Variants in SGCZ observed in about 807,000 individuals in gnomAD.
SGCZ encodes zeta-sarcoglycan.
Under a neutral mutation model 41.3 loss-of-function variants are expected in SGCZ, and 40 were observed. The observed-to-expected ratio is 0.97, with a 90% CI of 0.75 to 1.26. SGCZ has a LOEUF of 1.26. Ranked by LOEUF, SGCZ falls within the 50% of genes most tolerant of loss-of-function variation. The probability of loss-of-function intolerance (pLI) is 0.00; values close to 1 mark genes in which losing one functional copy is unlikely to be tolerated. For missense variants in SGCZ, 552 were observed against 369.8 expected (o/e 1.49, Z -4.04); for synonymous variants, 206 against 137.5 (o/e 1.50, Z -3.49).
intron 1 of SGCZ, among the ~76,000 whole-genome samples, chr8:14,627,109 C>T (rs751411020): frequency 2.6e-5 from 4 of 152,110 alleles, no homozygotes; most frequent in Non-Finnish European, 4.4e-5. Flanking sequence ...AACTGATTTA[C>T]ATTATGATAC....
intron 1 of SGCZ, among the ~76,000 whole-genome samples, chr8:14,833,222 T>C (rs1585302711): frequency 6.6e-6 from 1 of 152,136 alleles, no homozygotes; most frequent in East Asian, 1.9e-4. Flanking sequence ...TTAATGATCG[T>C]TAAACACAAA....
chr8:14,250,280 C>G (rs1325096198), intron 3 of SGCZ, among the ~76,000 whole-genome samples: 2 of 152,104 alleles, frequency 1.3e-5, no homozygotes, highest in Admixed American at 1.3e-4. Context: ...AATTTTTGAA[C>G]TATTTCCCAG....
chr8:14,204,562 A>C (rs959549643), intron 4 of SGCZ, among the ~76,000 whole-genome samples: 2 of 152,092 alleles, frequency 1.3e-5, no homozygotes, highest in Non-Finnish European at 2.9e-5. Context: ...GAGCTGGTAA[A>C]GCATTATTTC....
intron 3 of SGCZ, among the ~76,000 whole-genome samples, chr8:14,304,452 G>A (rs1319327156): frequency 1.3e-5 from 2 of 152,040 alleles, no homozygotes; most frequent in Admixed American, 1.3e-4. Flanking sequence ...AAATTAGCCA[G>A]GCATGGTGGC....
chr8:14,390,190 T>G (rs1804718781), intron 2 of SGCZ, among the ~76,000 whole-genome samples: 1 of 152,058 alleles, frequency 6.6e-6, no homozygotes. Context: ...ATAAAATTGA[T>G]GCTGATTTTT....
chr8:14,206,840 TG>T, intron 4 of SGCZ, among the ~76,000 whole-genome samples: 1 of 152,130 alleles, frequency 6.6e-6, no homozygotes, highest in East Asian at 1.9e-4. Context: ...GCATTCAGTA[TG>T]CCCCTTCCCT....
chr8:14,850,413 A>G (rs985326002), intron 1 of SGCZ, among the ~76,000 whole-genome samples: 1 of 152,174 alleles, frequency 6.6e-6, no homozygotes, highest in African/African-American at 2.4e-5. Flanking sequence ...AAGACAGAAG[A>G]TGGAGAAAAC....
intron 1 of SGCZ, among the ~76,000 whole-genome samples, chr8:15,013,594 G>A (rs1259656094): frequency 6.6e-6 from 1 of 152,052 alleles, no homozygotes; most frequent in Non-Finnish European, 1.5e-5. Flanking sequence ...AAGGCTGCAT[G>A]GTGTTGTGGA....
chr8:14,226,627 C>G (rs1042494717), intron 4 of SGCZ, among the ~76,000 whole-genome samples: 2 of 151,994 alleles, frequency 1.3e-5, no homozygotes, highest in African/African-American at 4.8e-5. Flanking sequence ...TGAGTTGACT[C>G]CCGTTGTTGG....
chr8:14,881,591 C>A (rs1456088960), intron 1 of SGCZ, among the ~76,000 whole-genome samples: 1 of 152,070 alleles, frequency 6.6e-6, no homozygotes. Flanking sequence ...CTTGCATTGG[C>A]CAAATGGCTG....
At chr8:14,334,791 G>A (rs564660205) in intron 2 of SGCZ, among the ~76,000 whole-genome samples, 3 of 152,092 alleles carry the variant, frequency 2.0e-5, no homozygotes, top group African/African-American at 7.2e-5. Flanking sequence ...CTGTTTTAAA[G>A]GAATCTAAAT....
intron 1 of SGCZ, among the ~76,000 whole-genome samples, chr8:14,598,666 T>G (rs1294905074): frequency 6.6e-6 from 1 of 151,980 alleles, no homozygotes; most frequent in Non-Finnish European, 1.5e-5. Flanking sequence ...TAACTTGGAC[T>G]ATAGGTGGGC....
chr8:14,486,027 G>A (rs890423645), intron 2 of SGCZ, among the ~76,000 whole-genome samples: 8 of 151,962 alleles, frequency 5.3e-5, no homozygotes, highest in Non-Finnish European at 1.2e-4. Context: ...ATTTTTAGTA[G>A]AGACGGGGTA....
chr8:14,925,593 C>T (rs1799722739), intron 1 of SGCZ, among the ~76,000 whole-genome samples: 1 of 152,180 alleles, frequency 6.6e-6, no homozygotes, highest in Non-Finnish European at 1.5e-5. Context: ...GTTGAAAAGA[C>T]ATTAAGTGTA....
At chr8:14,546,795 A>T (rs946389492) in intron 2 of SGCZ, among the ~76,000 whole-genome samples, 1 of 152,304 alleles carries the variant, frequency 6.6e-6, no homozygotes, top group South Asian at 2.1e-4. Context: ...GAATATTTTT[A>T]AAAAGAATTT....
intron 1 of SGCZ, among the ~76,000 whole-genome samples, chr8:14,674,582 G>A (rs1282837845): frequency 6.6e-6 from 1 of 152,100 alleles, no homozygotes; most frequent in Non-Finnish European, 1.5e-5. Flanking sequence ...TTTTGATACG[G>A]TTTGGGTTAC....
At chr8:14,592,642 A>C (rs865994705) in intron 1 of SGCZ, among the ~76,000 whole-genome samples, 2 of 152,314 alleles carry the variant, frequency 1.3e-5, no homozygotes, top group South Asian at 4.1e-4. Flanking sequence ...TTTTAAGCAA[A>C]ACAAATCAGA....
intron 1 of SGCZ, among the ~76,000 whole-genome samples, chr8:14,871,568 G>A (rs1281190895): frequency 6.6e-6 from 1 of 152,030 alleles, no homozygotes; most frequent in East Asian, 1.9e-4. Context: ...CATTTTGGGA[G>A]GCTAAGATGG....
At chr8:14,204,303 G>A (rs1443374654) in intron 4 of SGCZ, among the ~76,000 whole-genome samples, 1 of 138,826 alleles carries the variant, frequency 7.2e-6, no homozygotes, top group Non-Finnish European at 1.5e-5. Context: ...TCTTGCTTTT[G>A]GCTAACACCC....
Sources: gnomAD v4.1 joint callset for allele counts (sites outside exome capture counted in the v4.1 genomes callset) on GRCh38, gnomAD v4.1.1 for gene constraint, MANE v1.5 for transcripts, NCBI Gene and HGNC (gene_info 2026-07-23, HGNC 2026-07-21) for gene names.